SLCO1A2: variants seen among roughly 807,000 people sequenced by gnomAD.
SLCO1A2 encodes OATP-1.
Under a neutral mutation model 69.0 loss-of-function variants are expected in SLCO1A2, and 67 were observed. The observed-to-expected ratio is 0.97, with a 90% CI of 0.80 to 1.19. The LOEUF (loss-of-function observed/expected upper bound fraction) is 1.19. Among genes scored for constraint, SLCO1A2 ranks in the 50% most tolerant of loss-of-function variants. The pLI is 0.00. For synonymous variants in SLCO1A2, 260 were observed against 265.9 expected (o/e 0.98, Z 0.22); for missense variants, 787 against 793.7 (o/e 0.99, Z 0.10).
chr12:21,305,148 T>C (rs1591819676), intron 5 of SLCO1A2, among the ~76,000 whole-genome samples: 1 of 152,254 alleles, frequency 6.6e-6, no homozygotes, highest in Non-Finnish European at 1.5e-5. Context: ...TGTTGTATAC[T>C]GTAACCACCA....
intron 1 of SLCO1A2, among the ~76,000 whole-genome samples, chr12:21,413,404 G>C (rs1259449891): frequency 6.6e-6 from 1 of 151,458 alleles, no homozygotes; most frequent in Non-Finnish European, 1.5e-5. Context: ...ACCATGCCTG[G>C]CTAATTTTTG....
intron 12 of SLCO1A2, among the ~76,000 whole-genome samples, chr12:21,282,896 C>T (rs1459858634): frequency 6.6e-6 from 1 of 152,026 alleles, no homozygotes; most frequent in South Asian, 2.1e-4. Context: ...ACAATAAAAA[C>T]TGTAAAACAT....
intron 2 of SLCO1A2, chr12:21,319,476 C>T (rs1321621864): frequency 3.7e-6 from 5 of 1,365,678 alleles, no homozygotes; most frequent in East Asian, 4.6e-5. Context: ...GAGTTATGTC[C>T]TCATTCTTCC....
At chr12:21,373,351 A>C (rs1321713715) in intron 2 of SLCO1A2, 1 of 1,609,012 alleles carries the variant, frequency 6.2e-7, no homozygotes, top group African/African-American at 1.3e-5. Context: ...TTTGAGAAGC[A>C]ATGGGCATCC....
upstream of SLCO1A2, among the ~76,000 whole-genome samples, chr12:21,337,686 A>G (rs1271765238): frequency 6.6e-6 from 1 of 152,062 alleles, no homozygotes; most frequent in African/African-American, 2.4e-5. Context: ...GTATGTGCCA[A>G]TGAATTACAT....
chr12:21,371,143 T>C (rs11046005), intron 2 of SLCO1A2, among the ~76,000 whole-genome samples: 67,276 of 151,988 alleles, frequency 0.44, 15,107 homozygotes, highest in Middle Eastern at 0.51. Context: ...GTGGTAGTAA[T>C]TTTTGGGTCA....
At chr12:21,298,131 T>G (rs1948024236) in intron 8 of SLCO1A2, among the ~76,000 whole-genome samples, 1 of 152,178 alleles carries the variant, frequency 6.6e-6, no homozygotes, top group Non-Finnish European at 1.5e-5. Context: ...TCAGTGGTTC[T>G]GCCATTGGTT....
intron 3 of SLCO1A2, 34 bp from the exon 4 acceptor site, chr12:21,314,715 G>A (rs753883564): frequency 1.3e-6 from 2 of 1,507,736 alleles, no homozygotes; most frequent in African/African-American, 1.4e-5. Flanking sequence ...ATTTTAAAAA[G>A]TATGAACAAA....
intron 4 of SLCO1A2, among the ~76,000 whole-genome samples, chr12:21,313,961 C>CA (rs1490183897): frequency 2.8e-5 from 3 of 108,934 alleles, no homozygotes; most frequent in Admixed American, 1.0e-4. Context: ...AAGACTGTCT[C>CA]AAAAAAATAA....
At chr12:21,341,121 A>C (rs1315977882) in intron 2 of SLCO1A2, among the ~76,000 whole-genome samples, 2 of 151,992 alleles carry the variant, frequency 1.3e-5, no homozygotes, top group African/African-American at 4.8e-5. Flanking sequence ...ACAAAGTCAC[A>C]CACCTTATAA....
intron 14 of SLCO1A2, chr12:21,274,224 C>G: frequency 2.6e-6 from 1 of 379,754 alleles, no homozygotes; most frequent in South Asian, 4.3e-5. Context: ...ATTTAACGAA[C>G]AACACTTTGA....
chr12:21,410,826 A>G (rs1941895929), intron 1 of SLCO1A2, among the ~76,000 whole-genome samples: 1 of 152,186 alleles, frequency 6.6e-6, no homozygotes, highest in Admixed American at 6.6e-5. Flanking sequence ...TATTTCTCTG[A>G]TCATTAAAGA....
At chr12:21,295,454 A>G in intron 10 of SLCO1A2, 143 bp downstream of exon 10, 1 of 620,412 alleles carries the variant, frequency 1.6e-6, no homozygotes, top group Non-Finnish European at 2.8e-6. Flanking sequence ...CTTGATTGAC[A>G]GATGGAGGAA....
chr12:21,348,806 G>A (rs186525619), intron 2 of SLCO1A2, among the ~76,000 whole-genome samples: 4 of 152,186 alleles, frequency 2.6e-5, no homozygotes, highest in Non-Finnish European at 5.9e-5. Flanking sequence ...GGATTTTTAG[G>A]GCAGTGCAGC....
At chr12:21,310,752 A>G (rs897709431) in intron 4 of SLCO1A2, among the ~76,000 whole-genome samples, 7 of 152,032 alleles carry the variant, frequency 4.6e-5, no homozygotes, top group Non-Finnish European at 8.8e-5. Context: ...ACAGGTGCCA[A>G]CCACCACGCC....
intron 4 of SLCO1A2, among the ~76,000 whole-genome samples, chr12:21,313,794 C>A (rs541652030): frequency 2.0e-5 from 3 of 150,874 alleles, no homozygotes; most frequent in South Asian, 4.3e-4. Context: ...CACAGTGAAA[C>A]CCCGTCTCTA....
At chr12:21,280,685 A>AG (rs1944632016) in intron 12 of SLCO1A2, among the ~76,000 whole-genome samples, 1 of 151,458 alleles carries the variant, frequency 6.6e-6, no homozygotes, top group Non-Finnish European at 1.5e-5. Flanking sequence ...GACCAAAAAA[A>AG]AAAATAAATA....
At position 21,334,737 on chromosome 12, in the gene SLCO1A2, A is replaced by G. The variant is rs530552728; in HGVS notation, c.-62-28T>C. 53 of 979,150 alleles carry G rather than the reference A, an allele frequency of 5.4e-5. No individual in the cohort carries two copies. The South Asian group carries it at 7.4e-4, about 14-fold the overall frequency. The allele number at this position is 979,150 out of a possible 1,614,324, so 60.7% of individuals were successfully genotyped here. A position where few individuals can be genotyped will look rare whatever the true frequency, so the allele number is the denominator to read the frequency against. ...TTCAAGCAAACAAAAAAATATGTTA[A>G]ATTAACTACAAAATTGTAAAGCATC... On this transcript the variant is annotated intron_variant, in intron 1 of 14. Coordinates refer to ENST00000683939, the MANE Select transcript of SLCO1A2 (RefSeq NM_001386879.1).
intron 1 of SLCO1A2, among the ~76,000 whole-genome samples, chr12:21,416,108 A>G (rs900212766): frequency 7.2e-5 from 11 of 151,936 alleles, no homozygotes; most frequent in Admixed American, 2.0e-4. Context: ...TATGTTTATT[A>G]CTTTAATTTT....
Sources: allele counts gnomAD v4.1 joint callset (sites outside exome capture counted in the v4.1 genomes callset), GRCh38; gene constraint gnomAD v4.1.1; transcripts MANE v1.5; gene names NCBI Gene and HGNC (gene_info 2026-07-23, HGNC 2026-07-21).